Variants in SLC7A2 observed in about 807,000 individuals in gnomAD.
SLC7A2 encodes the protein solute carrier family 7 member 2, also known as cationic amino acid transporter 2.
SLC7A2 carries 48 observed loss-of-function variants against 58.9 expected under a neutral mutation model. That is an observed-to-expected ratio of 0.82 (90% CI 0.65 to 1.04). SLC7A2 has a LOEUF of 1.04. Among genes scored for constraint, SLC7A2 ranks in the 50% least tolerant of loss-of-function variants. The pLI is 0.00. For missense variants in SLC7A2, 1,029 were observed against 818.8 expected (o/e 1.26, Z -3.13); for synonymous variants, 363 against 314.5 (o/e 1.15, Z -1.63).
At chr8:17,514,111 C>T (rs1228063574) in intron 2 of SLC7A2, among the ~76,000 whole-genome samples, 2 of 152,116 alleles carry the variant, frequency 1.3e-5, no homozygotes, top group South Asian at 2.1e-4. Flanking sequence ...AACACCTCGG[C>T]ACATTAGTGA....
intron 2 of SLC7A2, among the ~76,000 whole-genome samples, chr8:17,505,148 T>A (rs1190106369): frequency 6.6e-6 from 1 of 150,704 alleles, no homozygotes; most frequent in Non-Finnish European, 1.5e-5. Context: ...CATCTGTATG[T>A]AAACTGTGCC....
chr8:17,536,257 G>A (rs1047583074), intron 2 of SLC7A2, among the ~76,000 whole-genome samples: 15 of 152,204 alleles, frequency 9.9e-5, no homozygotes, highest in Admixed American at 6.5e-5. Flanking sequence ...TTGGTTGTAT[G>A]TATGTCTAAA....
intron 6 of SLC7A2, among the ~76,000 whole-genome samples, chr8:17,551,252 C>T (rs955381226): frequency 5.9e-5 from 9 of 152,134 alleles, no homozygotes; most frequent in African/African-American, 1.9e-4. Context: ...CTCTGGGAAT[C>T]GGATTTTTAC....
At chr8:17,537,336 G>T (rs1341769547) in intron 2 of SLC7A2, among the ~76,000 whole-genome samples, 2 of 152,300 alleles carry the variant, frequency 1.3e-5, no homozygotes, top group East Asian at 3.9e-4. Context: ...ACAGGCATGA[G>T]CCACCGTGCC....
At chr8:17,503,058 T>A (rs576508955) in intron 2 of SLC7A2, among the ~76,000 whole-genome samples, 1 of 152,222 alleles carries the variant, frequency 6.6e-6, no homozygotes, top group South Asian at 2.1e-4. Context: ...TTATTTTATT[T>A]TATTTTTTTT....
chr8:17,541,019 C>T (rs181333941), intron 2 of SLC7A2, among the ~76,000 whole-genome samples: 2 of 152,026 alleles, frequency 1.3e-5, no homozygotes, highest in African/African-American at 4.8e-5. Context: ...CAGTTGTGTT[C>T]CCGGAGTTGT....
intron 7 of SLC7A2, among the ~76,000 whole-genome samples, chr8:17,553,311 A>G (rs1802537451): frequency 1.3e-5 from 2 of 152,248 alleles, no homozygotes; most frequent in African/African-American, 2.4e-5. Context: ...TCAGCCTCCC[A>G]AAGTGTTGGG....
chr8:17,548,349 A>G (rs1350329984), intron 4 of SLC7A2, among the ~76,000 whole-genome samples: 1 of 152,208 alleles, frequency 6.6e-6, no homozygotes, highest in Non-Finnish European at 1.5e-5. Context: ...TCAAAAAAAG[A>G]AAAAATAGTT....
At chr8:17,525,524 G>A (rs1801187380) in intron 2 of SLC7A2, among the ~76,000 whole-genome samples, 1 of 152,178 alleles carries the variant, frequency 6.6e-6, no homozygotes, top group Non-Finnish European at 1.5e-5. Context: ...ACAGATACGG[G>A]TTTGGGTGTA....
At chr8:17,500,686 A>C (rs1052779378) in intron 1 of SLC7A2, 3 of 152,098 alleles carry the variant, frequency 2.0e-5, no homozygotes, top group African/African-American at 7.2e-5. Context: ...CTGCTTGGGA[A>C]GCTGAGGCAG....
rs77588963 is a variant in SLC7A2, at chr8:17,558,389, C to T, written c.1290C>T (p.Leu430=). 5.7e-3 allele frequency: 9,091 copies of T among 1,609,006 alleles called. 444 individuals are homozygous for T. In the African/African-American group the frequency reaches 0.11, roughly 19 times the overall value. The change falls in exon 9 of 13, where the codon CTC becomes CTT. Residue 430 remains leucine, a synonymous_variant. Transcript: ENST00000494857. The stretch of plus-strand genomic sequence containing the variant: ...ACTCTCTGGTGGCAGCCTGTGTTCT[C>T]ATCCTCAGGTGAGTCACCTGGTGGT... ...MAYSLVAACV[L]ILRYQPGLSY...
At chr8:17,525,290 G>A (rs1801179301) in intron 2 of SLC7A2, among the ~76,000 whole-genome samples, 1 of 152,052 alleles carries the variant, frequency 6.6e-6, no homozygotes, top group African/African-American at 2.4e-5. Context: ...GTGATCAGAT[G>A]GATATGCTAA....
At chr8:17,522,239 C>A (rs867280270) in intron 2 of SLC7A2, among the ~76,000 whole-genome samples, 1 of 152,112 alleles carries the variant, frequency 6.6e-6, no homozygotes, top group South Asian at 2.1e-4. Context: ...AAAGGGGTAT[C>A]CCCTTATAAA....
intron 7 of SLC7A2, among the ~76,000 whole-genome samples, chr8:17,553,986 T>C (rs563907415): frequency 1.3e-5 from 2 of 152,158 alleles, no homozygotes; most frequent in African/African-American, 2.4e-5. Context: ...TTTACGTAAA[T>C]TGATCTTCTT....
In SLC7A2 at chr8:17,565,509, C is replaced by G. The variant is rs1803229602; in HGVS notation, c.*363C>G. 1.1e-5 allele frequency: 2 copies of G among 173,924 alleles called. No homozygotes were observed. The highest frequency in any genetic ancestry group is 3.2e-4 in the South Asian group (2 of 6,288). 10.8% of individuals were successfully genotyped at this position (173,924 alleles called of 1,614,324 possible). A position where few individuals can be genotyped will look rare whatever the true frequency, so the allele number is the denominator to read the frequency against. On this transcript the variant is annotated 3_prime_UTR_variant, in exon 13 of 13. Coordinates refer to ENST00000494857, the MANE Select transcript of SLC7A2 (RefSeq NM_001370338.1). ...TGTCGTCATTAATCGGTGGCATATACTGCACATACTGAAATAGAGGGAAAT... is the reference window on the plus strand; with the variant it reads ...TGTCGTCATTAATCGGTGGCATATAGTGCACATACTGAAATAGAGGGAAAT...
intron 2 of SLC7A2, among the ~76,000 whole-genome samples, chr8:17,509,221 C>T (rs1351173679): frequency 6.6e-6 from 1 of 152,150 alleles, no homozygotes; most frequent in Non-Finnish European, 1.5e-5. Context: ...TGAAATCTAA[C>T]TTTGTATCCA....
Position 17,561,966 on chromosome 8 carries a change from T to C in SLC7A2, c.1527T>C (p.Ser509=), listed in dbSNP as rs763633496. The part of the protein sequence containing the change: ...GFLAFLVLGL[S]VLTTYGVHAI... ...CAGCTTTCCTCGTGTTGGGCCTGAG[T>C]GTCTTGACCACTTACGGAGTTCATG... Residue 509 remains serine, a synonymous_variant, in exon 11 of 13, where the codon AGT becomes AGC. Coordinates refer to ENST00000494857, the MANE Select transcript of SLC7A2 (RefSeq NM_001370338.1). 1.2e-5 allele frequency: 19 copies of C among 1,614,114 alleles called. No homozygotes were observed. The highest frequency in any genetic ancestry group is 1.6e-5 in the Non-Finnish European group (19 of 1,180,028).
chr8:17,510,053 C>G (rs1027888488), intron 2 of SLC7A2, among the ~76,000 whole-genome samples: 2 of 151,976 alleles, frequency 1.3e-5, no homozygotes, highest in African/African-American at 4.8e-5. Flanking sequence ...AACCACGTCT[C>G]TACTAAACGT....
At chr8:17,536,215 A>G (rs559991915) in intron 2 of SLC7A2, among the ~76,000 whole-genome samples, 1 of 152,024 alleles carries the variant, frequency 6.6e-6, no homozygotes, top group Non-Finnish European at 1.5e-5. Context: ...AACAGTGGGC[A>G]TTGGGAGAAA....
Sources: gnomAD v4.1 joint callset for allele counts (sites outside exome capture counted in the v4.1 genomes callset) on GRCh38, gnomAD v4.1.1 for gene constraint, MANE v1.5 for transcripts, NCBI Gene and HGNC (gene_info 2026-07-23, HGNC 2026-07-21) for gene names.